The following CPPED1 variants were observed in gnomAD, a reference collection of about 807,000 sequenced individuals.
CPPED1 encodes serine/threonine-protein phosphatase CPPED1.
A neutral mutation model predicts 28.0 loss-of-function variants in CPPED1; 28 were observed. The observed-to-expected ratio is 1.00, with a 90% CI of 0.74 to 1.37. The LOEUF (loss-of-function observed/expected upper bound fraction) is 1.37. CPPED1 is among the 40% of genes most tolerant of loss of function. The pLI is 0.00. For synonymous variants in CPPED1, 198 were observed against 180.2 expected, an observed-to-expected ratio of 1.10 and a Z score of -0.79; for missense variants, 504 against 416.5, an observed-to-expected ratio of 1.21 and a Z score of -1.83.
At chr16:12,725,664 G>T (rs145712939) in intron 2 of CPPED1, among the ~76,000 whole-genome samples, 108 of 152,276 alleles carry the variant, frequency 7.1e-4, no homozygotes, top group African/African-American at 2.5e-3. Context: ...AGGACCACAG[G>T]TAGAGACGGG....
intron 2 of CPPED1, among the ~76,000 whole-genome samples, chr16:12,719,223 C>G (rs917941794): frequency 3.9e-5 from 6 of 152,038 alleles, no homozygotes; most frequent in African/African-American, 1.2e-4. Context: ...AACCCCGACT[C>G]TACTAAAAAC....
intron 3 of CPPED1, among the ~76,000 whole-genome samples, chr16:12,689,010 A>C (rs1179402816): frequency 1.3e-5 from 2 of 152,144 alleles, no homozygotes; most frequent in Non-Finnish European, 2.9e-5. Flanking sequence ...TTTATGCATG[A>C]AGAAGTTCAA....
intron 3 of CPPED1, among the ~76,000 whole-genome samples, chr16:12,677,666 G>T (rs191723874): frequency 1.3e-5 from 2 of 152,172 alleles, no homozygotes; most frequent in Non-Finnish European, 2.9e-5. Context: ...GAAGTGCCAC[G>T]GTCGTGTATG....
chr16:12,757,718 C>G (rs2080380456), intron 2 of CPPED1: 1 of 142,974 alleles, frequency 7.0e-6, no homozygotes, highest in African/African-American at 2.6e-5. Context: ...ATCTGCCAGA[C>G]CAGTCCTAAT....
chr16:12,732,405 T>C (rs2080203401), intron 2 of CPPED1, among the ~76,000 whole-genome samples: 1 of 149,448 alleles, frequency 6.7e-6, no homozygotes, highest in Non-Finnish European at 1.5e-5. Context: ...CCAATATTTG[T>C]AGACTATGAG....
chr16:12,722,558 G>A (rs940473080), intron 2 of CPPED1, among the ~76,000 whole-genome samples: 3 of 152,180 alleles, frequency 2.0e-5, no homozygotes, highest in Non-Finnish European at 2.9e-5. Flanking sequence ...GCAACACGGC[G>A]AGACCCTGTC....
intron 2 of CPPED1, among the ~76,000 whole-genome samples, chr16:12,747,645 T>C (rs1013432324): frequency 1.3e-5 from 2 of 152,046 alleles, no homozygotes; most frequent in Non-Finnish European, 2.9e-5. Context: ...CTCAAACTCC[T>C]GGGCTCAGGC....
At chr16:12,678,993 G>T (rs555645641) in intron 3 of CPPED1, among the ~76,000 whole-genome samples, 3 of 152,090 alleles carry the variant, frequency 2.0e-5, no homozygotes, top group African/African-American at 7.2e-5. Flanking sequence ...TTAGACTTTT[G>T]ATATGACTGC....
intron 2 of CPPED1, among the ~76,000 whole-genome samples, chr16:12,744,534 T>G (rs913114140): frequency 1.3e-5 from 2 of 152,050 alleles, no homozygotes; most frequent in Admixed American, 6.5e-5. Context: ...CAGTGACCCG[T>G]AAGAGACAGG....
chr16:12,784,784 TG>T (rs1239911565), intron 1 of CPPED1, among the ~76,000 whole-genome samples: 2 of 152,226 alleles, frequency 1.3e-5, no homozygotes, highest in African/African-American at 2.4e-5. Context: ...ACAGAGTTTA[TG>T]AACAGCTCCC....
intron 2 of CPPED1, among the ~76,000 whole-genome samples, chr16:12,772,829 A>G (rs1425689268): frequency 6.6e-6 from 1 of 152,228 alleles, no homozygotes; most frequent in African/African-American, 2.4e-5. Context: ...TTGAAATTCC[A>G]AGTTTTTCTA....
chr16:12,694,731 T>TGGGGGGGGGGG (rs778479471), intron 3 of CPPED1, among the ~76,000 whole-genome samples: 1 of 49,178 alleles, frequency 2.0e-5, no homozygotes, highest in Non-Finnish European at 4.2e-5. Context: ...TAAAAAAAGG[T>TGGGGGGGGGGG]GGGGGGGGGG....
At chr16:12,795,809 C>T (rs553512124) in intron 1 of CPPED1, among the ~76,000 whole-genome samples, 6 of 152,142 alleles carry the variant, frequency 3.9e-5, no homozygotes, top group South Asian at 4.2e-4. Flanking sequence ...TGAGGCCAGG[C>T]GTGGTGGCTT....
At chr16:12,786,697 G>T (rs1443116366) in intron 1 of CPPED1, among the ~76,000 whole-genome samples, 1 of 152,152 alleles carries the variant, frequency 6.6e-6, no homozygotes, top group African/African-American at 2.4e-5. Flanking sequence ...GAGGCGGGTG[G>T]ATCACGAGGT....
intron 2 of CPPED1, among the ~76,000 whole-genome samples, chr16:12,761,747 C>T (rs1331444218): frequency 6.6e-6 from 1 of 152,138 alleles, no homozygotes; most frequent in East Asian, 1.9e-4. Flanking sequence ...GACAGTGGCT[C>T]ATAGTATAAT....
chr16:12,660,728 T>C lies in CPPED1; in HGVS notation c.*4158A>G, dbSNP rs1045200442. On this transcript the variant is annotated 3_prime_UTR_variant, in exon 4 of 4. Coordinates refer to ENST00000381774, the MANE Select transcript of CPPED1 (RefSeq NM_018340.3). The stretch of plus-strand genomic sequence containing the variant: ...CTTGCCTTGGCAATTTACTCCTAAA[T>C]CTTCTTTTTCCTCCAGCTCAATATA... 7.9e-5 allele frequency: 12 copies of C among 152,258 alleles called. No individual in the cohort carries two copies. Among genetic ancestry groups the C allele is most frequent in the African/African-American group, 2.9e-4 (12 of 41,464 alleles). 9.4% of individuals were successfully genotyped at this position (152,258 alleles called of 1,614,324 possible). A position where few individuals can be genotyped will look rare whatever the true frequency, so the allele number is the denominator to read the frequency against.
chr16:12,780,730 C>A (rs1410606699), intron 2 of CPPED1, among the ~76,000 whole-genome samples: 1 of 82,454 alleles, frequency 1.2e-5, no homozygotes, highest in Non-Finnish European at 2.5e-5. Flanking sequence ...CAACACATAC[C>A]TTAAAAAAAA....
At position 12,682,433 on chromosome 16, in the gene CPPED1, G is replaced by A. The variant is rs1026644127; in HGVS notation, c.716-17318C>T. Reference sequence around the variant, plus strand: ...TCAAAACCTGTAGAATATGCAAGAGGAGGGCTGTATTTTTTTAATACTAAT... The same window carrying A: ...TCAAAACCTGTAGAATATGCAAGAGAAGGGCTGTATTTTTTTAATACTAAT... On this transcript the variant is annotated intron_variant, in intron 3 of 3. Coordinates refer to ENST00000381774, the MANE Select transcript of CPPED1 (RefSeq NM_018340.3). This position sits in a 1 kb window ranked among gnomAD's most constrained non-coding sequence, Gnocchi z 6.1. Among the ~76,000 whole-genome samples the A allele has an allele frequency of 6.6e-6, 1 of 152,196 alleles. No individual in the cohort carries two copies. Among genetic ancestry groups the A allele is most frequent in the Non-Finnish European group, 1.5e-5 (1 of 68,048 alleles).
intron 3 of CPPED1, among the ~76,000 whole-genome samples, chr16:12,703,681 C>CAAA (rs11334902): frequency 4.1e-5 from 4 of 97,284 alleles, no homozygotes; most frequent in South Asian, 3.5e-4. Flanking sequence ...GACTTTGTCT[C>CAAA]AAAAAAAAAA....
Sources: allele counts gnomAD v4.1 joint callset (sites outside exome capture counted in the v4.1 genomes callset), GRCh38; gene constraint gnomAD v4.1.1; non-coding constraint Gnocchi (gnomAD v3.1); transcripts MANE v1.5; gene names NCBI Gene and HGNC (gene_info 2026-07-23, HGNC 2026-07-21).